The following ACBD6 variants were observed in gnomAD, a reference collection of about 807,000 sequenced individuals.
ACBD6 encodes the protein acyl-CoA binding domain containing 6.
Under a neutral mutation model 37.2 loss-of-function variants are expected in ACBD6, and 28 were observed. The ratio of observed to expected loss-of-function variants is 0.75; its 90% CI spans 0.56 to 1.03. The LOEUF (loss-of-function observed/expected upper bound fraction) is 1.03, where lower values mean the gene tolerates loss of function less well. Among genes scored for constraint, ACBD6 ranks in the 50% least tolerant of loss-of-function variants. The probability of loss-of-function intolerance (pLI) is 0.00; values close to 1 mark genes in which losing one functional copy is unlikely to be tolerated. For synonymous variants in ACBD6, 113 were observed against 126.8 expected, an observed-to-expected ratio of 0.89 and a Z score of 0.73; for missense variants, 340 against 337.4, an observed-to-expected ratio of 1.01 and a Z score of -0.06.
intron 3 of ACBD6, among the ~76,000 whole-genome samples, chr1:180,459,532 C>G (rs1650049545): frequency 6.6e-6 from 1 of 152,148 alleles, no homozygotes; most frequent in Non-Finnish European, 1.5e-5. Context: ...GTACAAGGGT[C>G]TGTTTACTAG....
intron 7 of ACBD6, among the ~76,000 whole-genome samples, chr1:180,303,633 A>G (rs1036876431): frequency 2.7e-5 from 4 of 150,702 alleles, no homozygotes; most frequent in African/African-American, 9.7e-5. Context: ...CAACCAAAAA[A>G]AGTCCAGGAC....
chr1:180,278,239 TGAA>T (rs955534921), intron 9 of ACBD6: 33 of 152,330 alleles, frequency 2.2e-4, no homozygotes, highest in African/African-American at 7.9e-4. Context: ...AACCGTGAGA[TGAA>T]GAAAAATTCA....
intron 7 of ACBD6, among the ~76,000 whole-genome samples, chr1:180,314,066 T>C (rs1391618766): frequency 6.6e-6 from 1 of 152,200 alleles, no homozygotes; most frequent in African/African-American, 2.4e-5. Context: ...GTAGGAGAGA[T>C]GCTAGATTTT....
chr1:180,270,975 G>A (rs1648613385), exon 14 of ACBD6: 1 of 310,454 alleles, frequency 3.2e-6, no homozygotes, highest in Admixed American at 4.4e-5. Context: ...GGCATCTGGG[G>A]CGACTTTGAA....
In ACBD6 at chr1:180,302,332, A is replaced by G. The variant is rs1490464209; in HGVS notation, c.694+12360T>C. 4.0e-5 allele frequency among the ~76,000 whole-genome samples: 6 copies of G among 151,832 alleles called. No homozygotes were observed. In the East Asian group the frequency reaches 1.2e-3, roughly 29 times the overall value. On this transcript the variant is annotated intron_variant, in intron 7 of 7. Transcript: ENST00000367595. ...AAAACTGAGTTTTTTTCAAGTTGTC[A>G]GGAATCTCCAAAATATTTTCCAATA... is the stretch of plus-strand genomic sequence containing the variant.
intron 6 of ACBD6, among the ~76,000 whole-genome samples, chr1:180,392,345 T>A (rs1037363897): frequency 6.6e-6 from 1 of 152,054 alleles, no homozygotes; most frequent in African/African-American, 2.4e-5. Flanking sequence ...TCACTGAATT[T>A]ATTTTAGACT....
intron 6 of ACBD6, among the ~76,000 whole-genome samples, chr1:180,371,136 T>C (rs1191619421): frequency 6.6e-6 from 1 of 152,050 alleles, no homozygotes; most frequent in African/African-American, 2.4e-5. Flanking sequence ...AGTAGCTCTG[T>C]GACTTTGGGT....
At chr1:180,271,706 G>A (rs1320810907) in exon 14 of ACBD6, 9 of 1,268,070 alleles carry the variant, frequency 7.1e-6, no homozygotes, top group African/African-American at 1.5e-5. Flanking sequence ...GGGGTGGGGC[G>A]CATCGCACTC....
At chr1:180,444,697 AC>A (rs1390598900) in intron 3 of ACBD6, among the ~76,000 whole-genome samples, 3 of 147,380 alleles carry the variant, frequency 2.0e-5, no homozygotes, top group Admixed American at 1.4e-4. Context: ...CCATTAAGTC[AC>A]TTTTATGTTG....
chr1:180,368,167 T>G (rs1333890364), intron 6 of ACBD6, among the ~76,000 whole-genome samples: 15 of 152,188 alleles, frequency 9.9e-5, no homozygotes, highest in Admixed American at 9.8e-4. Context: ...TTCATATGCT[T>G]GTTGGCTTCA....
At chr1:180,446,063 G>A (rs182662180) in intron 3 of ACBD6, among the ~76,000 whole-genome samples, 124 of 152,176 alleles carry the variant, frequency 8.1e-4, no homozygotes, top group African/African-American at 2.8e-3. Flanking sequence ...AGTACAGTGG[G>A]TGATCTTGGC....
At chr1:180,319,572 G>C (rs1650972178) in intron 6 of ACBD6, among the ~76,000 whole-genome samples, 1 of 152,094 alleles carries the variant, frequency 6.6e-6, no homozygotes, top group African/African-American at 2.4e-5. Flanking sequence ...TAGTCACCCT[G>C]TTATGCTATC....
At chr1:180,320,522 C>T (rs1651029363) in intron 6 of ACBD6, among the ~76,000 whole-genome samples, 1 of 151,998 alleles carries the variant, frequency 6.6e-6, no homozygotes, top group South Asian at 2.1e-4. Flanking sequence ...ACCTGTAATC[C>T]CAGCTACCTG....
chr1:180,274,340 C>T, intron 10 of ACBD6: 1 of 1,614,238 alleles, frequency 6.2e-7, no homozygotes, highest in Non-Finnish European at 8.5e-7. Flanking sequence ...TGGAATCCCC[C>T]AGTCTCCATC....
chr1:180,422,185 G>A (rs1648394831), intron 4 of ACBD6, among the ~76,000 whole-genome samples: 1 of 151,772 alleles, frequency 6.6e-6, no homozygotes, highest in South Asian at 2.1e-4. Flanking sequence ...CTGTGGTGAT[G>A]GTTCATGAAT....
chr1:180,430,095 ACACATACATAAG>A, intron 4 of ACBD6, 73 bp downstream of exon 4: 1 of 1,129,062 alleles, frequency 8.9e-7, no homozygotes, highest in East Asian at 2.4e-5. Flanking sequence ...GTACACATAT[ACACATACATAAG>A]CACATACATA....
At chr1:180,400,302 GA>G (rs1232218240) in intron 5 of ACBD6, among the ~76,000 whole-genome samples, 2 of 152,168 alleles carry the variant, frequency 1.3e-5, no homozygotes, top group East Asian at 3.8e-4. Context: ...AATGTTTTAA[GA>G]AGGATGATGT....
intron 3 of ACBD6, among the ~76,000 whole-genome samples, chr1:180,445,449 T>A (rs564117853): frequency 6.6e-6 from 1 of 152,212 alleles, no homozygotes; most frequent in South Asian, 2.1e-4. Context: ...ACTATCCAAC[T>A]TCCACTTCAA....
chr1:180,343,917 T>A (rs1652077305), intron 6 of ACBD6, among the ~76,000 whole-genome samples: 2 of 151,968 alleles, frequency 1.3e-5, no homozygotes, highest in African/African-American at 2.4e-5. Flanking sequence ...GAAAATAAAC[T>A]ACTTGCAAGA....
Sources: allele counts gnomAD v4.1 joint callset (sites outside exome capture counted in the v4.1 genomes callset), GRCh38; gene constraint gnomAD v4.1.1; transcripts MANE v1.5; gene names NCBI Gene and HGNC (gene_info 2026-07-23, HGNC 2026-07-21).